Variants in CLIC1 observed in about 807,000 individuals in gnomAD.
CLIC1 encodes chloride intracellular channel protein 1.
Under a neutral mutation model 26.4 loss-of-function variants are expected in CLIC1, and 16 were observed. The ratio of observed to expected loss-of-function variants is 0.61; its 90% CI spans 0.41 to 0.92. The LOEUF (loss-of-function observed/expected upper bound fraction) is 0.92, where lower values mean the gene tolerates loss of function less well. Among genes scored for constraint, CLIC1 ranks in the 40% least tolerant of loss-of-function variants. The probability of loss-of-function intolerance (pLI) is 0.00; values close to 1 mark genes in which losing one functional copy is unlikely to be tolerated. For synonymous variants in CLIC1, 98 were observed against 120.8 expected, an observed-to-expected ratio of 0.81 and a Z score of 1.24; for missense variants, 225 against 289.7, an observed-to-expected ratio of 0.78 and a Z score of 1.62.
chr6:31,730,645 C>T lies in CLIC1; in HGVS notation c.*197G>A, dbSNP rs1213921356. Reference sequence around the variant, plus strand: ...CTGAAATATGTTGTCCTACTCATCCCACCCCACAATAAAAATCTGACCCAG... The same window carrying T: ...CTGAAATATGTTGTCCTACTCATCCTACCCCACAATAAAAATCTGACCCAG... On this transcript the variant is annotated 3_prime_UTR_variant, in exon 6 of 6. Transcript: ENST00000375784. This position sits in a 1 kb window ranked among gnomAD's most constrained non-coding sequence, Gnocchi z 5.1. 1 of 597,976 alleles carries T rather than the reference C, an allele frequency of 1.7e-6. No homozygotes were observed. The highest frequency in any genetic ancestry group is 1.9e-5 in the African/African-American group (1 of 53,710). The allele number at this position is 597,976 out of a possible 1,614,324, so 37.0% of individuals were successfully genotyped here.
In CLIC1 at chr6:31,734,385, C is replaced by T; in HGVS notation, c.40-122G>A. ...CTAGTCATGACACATACACTGTCCC[C>T]TCACTATGGGCTCTTTGCCCTTGGG... is the stretch of plus-strand genomic sequence containing the variant. On this transcript the variant is annotated intron_variant, in intron 1 of 5. Coordinates refer to ENST00000375784, the Ensembl canonical transcript of CLIC1. The surrounding 1 kb of genome is among the most constrained non-coding windows in gnomAD (Gnocchi z 5.3). 2.7e-6 allele frequency: 2 copies of T among 727,644 alleles called. No homozygotes were observed. Among genetic ancestry groups the T allele is most frequent in the Non-Finnish European group, 4.7e-6 (2 of 421,546 alleles). 45.1% of individuals were successfully genotyped at this position (727,644 alleles called of 1,614,324 possible). A position where few individuals can be genotyped will look rare whatever the true frequency, so the allele number is the denominator to read the frequency against.
chr6:31,735,496 TG>T (rs1808266667), intron 1 of CLIC1, among the ~76,000 whole-genome samples: 2 of 150,958 alleles, frequency 1.3e-5, no homozygotes, highest in Non-Finnish European at 2.9e-5. Context: ...AGGAGAGAGT[TG>T]GGGCAAGTCT....
chr6:31,731,119 T>C, intron 5 of CLIC1, 116 bp from the exon 6 acceptor site: 1 of 782,752 alleles, frequency 1.3e-6, no homozygotes, highest in South Asian at 2.3e-5. Context: ...TGTCTTGTAC[T>C]GTCGTTAGCC....
At chr6:31,736,581 A>AGGGG (rs1193727913), upstream of CLIC1, 2 of 1,327,612 alleles carry the variant, frequency 1.5e-6, no homozygotes, top group Non-Finnish European at 1.9e-6. This position sits in a 1 kb window ranked among gnomAD's most constrained non-coding sequence, Gnocchi z 5.0. Flanking sequence ...AGGGGACTGG[A>AGGGG]GGGGGGCGGG....
At chr6:31,736,882 CAATCCA>C, upstream of CLIC1, 1 of 985,802 alleles carries the variant, frequency 1.0e-6, no homozygotes, top group Non-Finnish European at 1.2e-6. This position sits in a 1 kb window ranked among gnomAD's most constrained non-coding sequence, Gnocchi z 5.0. Context: ...TTCCAGACTC[CAATCCA>C]AATTCTGGGT....
rs772640544 is a variant in CLIC1 at position 31,734,328 on chromosome 6, G to A, written c.40-65C>T. On this transcript the variant is annotated intron_variant, in intron 1 of 5. Transcript: ENST00000375784. The surrounding 1 kb of genome is among the most constrained non-coding windows in gnomAD (Gnocchi z 5.3). ...CCCACCCATCCCTAGGCCAGTCCCT[G>A]CATTCCCACTCCCAGACCAGCTGTT... 1.7e-6 allele frequency: 2 copies of A among 1,195,418 alleles called. No homozygotes were observed. Among genetic ancestry groups the A allele is most frequent in the Non-Finnish European group, 1.2e-6 (1 of 813,648 alleles). 74.1% of individuals were successfully genotyped at this position (1,195,418 alleles called of 1,614,324 possible).
chr6:31,730,901 A>G lies in CLIC1; in HGVS notation c.667T>C (p.Cys223Arg). The change falls in exon 6 of 6, where the codon TGT becomes CGT. Residue 223 changes from cysteine (C) to arginine (R), a missense_variant. Coordinates refer to ENST00000375784, the Ensembl canonical transcript of CLIC1. This position sits in a 1 kb window ranked among gnomAD's most constrained non-coding sequence, Gnocchi z 5.1. Reference sequence around the variant, plus strand: ...AGCTCGATCTCCTCATCATCTGGACAGGTGGAAGCGAATTCTTCCCGGGCG... The same window carrying G: ...AGCTCGATCTCCTCATCATCTGGACGGGTGGAAGCGAATTCTTCCCGGGCG... 2 of 1,613,138 alleles carry G rather than the reference A, an allele frequency of 1.2e-6. No homozygotes were observed. The highest frequency in any genetic ancestry group is 1.7e-6 in the Non-Finnish European group (2 of 1,180,048).
upstream of CLIC1, chr6:31,736,729 C>A: frequency 9.8e-7 from 1 of 1,020,896 alleles, no homozygotes; most frequent in Non-Finnish European, 1.2e-6. This position sits in a 1 kb window ranked among gnomAD's most constrained non-coding sequence, Gnocchi z 5.0. Flanking sequence ...TTTTCTGCCT[C>A]AGTTTCCCTG....
chr6:31,735,199 C>T (rs975480067), intron 1 of CLIC1, among the ~76,000 whole-genome samples: 43 of 149,988 alleles, frequency 2.9e-4, no homozygotes, highest in African/African-American at 1.0e-3. Flanking sequence ...ATGAGAGAAA[C>T]AAAAGGGGGG....
At chr6:31,731,062 T>C (rs1807897545) in intron 5 of CLIC1, 59 bp from the exon 6 acceptor site, 1 of 1,513,832 alleles carries the variant, frequency 6.6e-7, no homozygotes, top group Non-Finnish European at 9.1e-7. Flanking sequence ...CACCTTGGCT[T>C]TCCCTTCTCC....
At position 31,730,959 on chromosome 6, in the gene CLIC1, G is replaced by A. The variant is rs1368479190; in HGVS notation, c.609C>T (p.Phe203=). The stretch of plus-strand genomic sequence containing the variant: ...TGCTCAAGTACCGATGCACTCCCCG[G>A]AAGGCCTCGGGGATGGTGAATCCCC... Residue 203 remains phenylalanine (F), a synonymous_variant, in exon 6 of 6, where the codon TTC becomes TTT. Transcript: ENST00000375784. The surrounding 1 kb of genome is among the most constrained non-coding windows in gnomAD (Gnocchi z 5.1). 1 of 1,613,012 alleles carries A rather than the reference G, an allele frequency of 6.2e-7. No individual in the cohort carries two copies. The highest frequency in any genetic ancestry group is 1.1e-5 in the South Asian group (1 of 91,068).
At position 31,734,051 on chromosome 6, in the gene CLIC1, C is replaced by T. The variant is rs146838412; in HGVS notation, c.150-90G>A. On this transcript the variant is annotated intron_variant, in intron 2 of 5. Transcript: ENST00000375784. This position sits in a 1 kb window ranked among gnomAD's most constrained non-coding sequence, Gnocchi z 5.3. The stretch of plus-strand genomic sequence containing the variant: ...GAGGACGTGGGATAAGAAAGGGACT[C>T]CAGGGGGAGGGCAAAAATGTTCATG... 4,046 of 1,593,066 alleles carry T rather than the reference C, an allele frequency of 2.5e-3. 19 individuals are homozygous for T. The highest frequency in any genetic ancestry group is 0.024 in the Middle Eastern group (143 of 6,008).
chr6:31,731,301 T>C (rs1179050413), intron 5 of CLIC1, among the ~76,000 whole-genome samples: 1 of 152,030 alleles, frequency 6.6e-6, no homozygotes, highest in African/African-American at 2.4e-5. Flanking sequence ...TCTATATTTT[T>C]CATCAGACTT....
At position 31,736,241 on chromosome 6, in the gene CLIC1, TGAGGA is replaced by T; in HGVS notation, c.39+16_39+20del. On this transcript the variant is annotated intron_variant, in intron 1 of 5. Coordinates refer to ENST00000375784, the Ensembl canonical transcript of CLIC1. The surrounding 1 kb of genome is among the most constrained non-coding windows in gnomAD (Gnocchi z 5.0). The stretch of plus-strand genomic sequence containing the variant: ...GTTGGCTTCCAGGAATTTGGGTGGC[TGAGGA>T]GAGAAGTGTTCTTACCTTCACGAAC... The T allele has an allele frequency of 6.2e-7, 1 of 1,612,552 alleles. No individual in the cohort carries two copies. Among genetic ancestry groups the T allele is most frequent in the South Asian group, 1.1e-5 (1 of 91,066 alleles).
upstream of CLIC1, chr6:31,736,803 G>A (rs1308156234): frequency 1.0e-6 from 1 of 989,218 alleles, no homozygotes; most frequent in Non-Finnish European, 1.2e-6. The surrounding 1 kb of genome is among the most constrained non-coding windows in gnomAD (Gnocchi z 5.0). Context: ...AACAGCTTGG[G>A]CACACCCGTG....
At chr6:31,737,184 G>A (rs1425242333), upstream of CLIC1, 2 of 152,912 alleles carry the variant, frequency 1.3e-5, no homozygotes, top group African/African-American at 4.8e-5. Context: ...AACACTTTAG[G>A]AGGCCAAGGG....
At position 31,736,478 on chromosome 6, in the gene CLIC1, C is replaced by T; in HGVS notation, c.-178G>A. On this transcript the variant is annotated 5_prime_UTR_variant, in exon 1 of 6. Coordinates refer to ENST00000375784, the Ensembl canonical transcript of CLIC1. The surrounding 1 kb of genome is among the most constrained non-coding windows in gnomAD (Gnocchi z 5.0). ...AAACTAGGCCTCCCCACCAGCCCAA[C>T]GCACCCCACACCCAGCTCCTCCAGC... is the stretch of plus-strand genomic sequence containing the variant. 3 of 1,416,674 alleles carry T rather than the reference C, an allele frequency of 2.1e-6. No individual in the cohort carries two copies. Among genetic ancestry groups the T allele is most frequent in the Non-Finnish European group, 1.8e-6 (2 of 1,083,502 alleles). 87.8% of individuals were successfully genotyped at this position (1,416,674 alleles called of 1,614,324 possible).
chr6:31,732,481 G>A lies in CLIC1; in HGVS notation c.383-83C>T. ...GGCCCGTTGGGGGTGGATACTAATG[G>A]TGAGTCCAAAATAATAATAGCTAAC... On this transcript the variant is annotated intron_variant, in intron 4 of 5. Transcript: ENST00000375784. This position sits in a 1 kb window ranked among gnomAD's most constrained non-coding sequence, Gnocchi z 5.0. 1.1e-6 allele frequency: 1 copy of A among 937,496 alleles called. No homozygotes were observed. Among genetic ancestry groups the A allele is most frequent in the Non-Finnish European group, 1.5e-6 (1 of 666,388 alleles). The allele number at this position is 937,496 out of a possible 1,614,324, so 58.1% of individuals were successfully genotyped here.
In CLIC1 at chr6:31,733,773, G is replaced by A; in HGVS notation, c.275+63C>T. 1 of 1,606,752 alleles carries A rather than the reference G, an allele frequency of 6.2e-7. No individual in the cohort carries two copies. Among genetic ancestry groups the A allele is most frequent in the Non-Finnish European group, 8.5e-7 (1 of 1,173,730 alleles). On this transcript the variant is annotated intron_variant, in intron 3 of 5. Transcript: ENST00000375784. The surrounding 1 kb of genome is among the most constrained non-coding windows in gnomAD (Gnocchi z 5.4). ...ACCACCATCTCTGTTTTCCATTTCT[G>A]CAAACTGTCTGTTTCCCAGAATCTC...
Sources: allele counts gnomAD v4.1 joint callset (sites outside exome capture counted in the v4.1 genomes callset), GRCh38; gene constraint gnomAD v4.1.1; non-coding constraint Gnocchi (gnomAD v3.1); transcripts MANE v1.5; gene names NCBI Gene and HGNC (gene_info 2026-07-23, HGNC 2026-07-21).